PRKAR1B: variants seen among roughly 807,000 people sequenced by gnomAD.
The protein encoded by PRKAR1B is protein kinase cAMP-dependent type I regulatory subunit beta, also known as cAMP-dependent protein kinase type I-beta regulatory subunit.
A neutral mutation model predicts 46.5 loss-of-function variants in PRKAR1B; 22 were observed. That is an observed-to-expected ratio of 0.47 (90% CI 0.34 to 0.68). The LOEUF is 0.68. Among genes scored for constraint, PRKAR1B ranks in the 30% least tolerant of loss-of-function variants. The pLI is 0.01. For missense variants in PRKAR1B, 445 were observed against 535.6 expected (o/e 0.83, Z 1.67); for synonymous variants, 259 against 217.7 (o/e 1.19, Z -1.67).
At chr7:660,851 T>C (rs1469276792) in intron 4 of PRKAR1B, among the ~76,000 whole-genome samples, 2 of 100,992 alleles carry the variant, frequency 2.0e-5, no homozygotes, top group Admixed American at 1.2e-4. Flanking sequence ...CAGATCCAAA[T>C]ACCTACTCTG....
rs754417148 is a variant in PRKAR1B at position 618,850 on chromosome 7, G to A, written c.441-11398C>T. On this transcript the variant is annotated intron_variant, in intron 4 of 10. Coordinates refer to ENST00000537384, the MANE Select transcript of PRKAR1B (RefSeq NM_001164760.2). ...AGATATTGCAACTATCTTCTTACACGCAGTCACCTGTTAACTTTTTCATGA... is the reference window on the plus strand; with the variant it reads ...AGATATTGCAACTATCTTCTTACACACAGTCACCTGTTAACTTTTTCATGA... Among the ~76,000 whole-genome samples the A allele has an allele frequency of 3.9e-5, 6 of 152,174 alleles. No individual in the cohort carries two copies. The South Asian group carries it at 6.2e-4, about 16-fold the overall frequency.
intron 2 of PRKAR1B, among the ~76,000 whole-genome samples, chr7:710,623 T>C (rs1252425478): frequency 6.6e-6 from 1 of 150,510 alleles, no homozygotes; most frequent in Non-Finnish European, 1.5e-5. Flanking sequence ...ACCTTAGCCA[T>C]GGGAGCTATT....
chr7:599,205 C>T (rs945110395), intron 6 of PRKAR1B, among the ~76,000 whole-genome samples: 1 of 152,256 alleles, frequency 6.6e-6, no homozygotes, highest in East Asian at 1.9e-4. Flanking sequence ...TCTCAGGACA[C>T]TGGCCACTGT....
intron 4 of PRKAR1B, among the ~76,000 whole-genome samples, chr7:661,973 C>T (rs1435476207): frequency 4.3e-5 from 4 of 93,570 alleles, no homozygotes; most frequent in Non-Finnish European, 8.6e-5. Context: ...CCCACCCCAA[C>T]GGGTCCAAAT....
rs924713706 is a variant in PRKAR1B, at chr7:666,044, T to C, written c.440+11185A>G. 1.3e-5 allele frequency among the ~76,000 whole-genome samples: 2 copies of C among 152,140 alleles called. No homozygotes were observed. The highest frequency in any genetic ancestry group is 2.9e-5 in the Non-Finnish European group (2 of 68,012). ...TGTGCCCGTCTGGCAGCTCCAGTAA[T>C]GAGGTCCCCGCCGGAGGCCCAACGC... On this transcript the variant is annotated intron_variant, in intron 4 of 10. Coordinates refer to ENST00000537384, the MANE Select transcript of PRKAR1B (RefSeq NM_001164760.2). This position sits in a 1 kb window ranked among gnomAD's most constrained non-coding sequence, Gnocchi z 4.9.
At chr7:575,480 G>A (rs374413894) in intron 9 of PRKAR1B, among the ~76,000 whole-genome samples, 4 of 152,176 alleles carry the variant, frequency 2.6e-5, no homozygotes, top group East Asian at 3.8e-4. Flanking sequence ...TCAAGGGGAG[G>A]GGGTTAGACT....
At chr7:599,807 G>A (rs1168372771) in intron 6 of PRKAR1B, among the ~76,000 whole-genome samples, 6 of 148,234 alleles carry the variant, frequency 4.0e-5, no homozygotes, top group Non-Finnish European at 9.0e-5. Flanking sequence ...ACCTTCACTC[G>A]CTCACCCTCT....
chr7:661,494 T>C (rs13227140), intron 4 of PRKAR1B, among the ~76,000 whole-genome samples: 1 of 69,790 alleles, frequency 1.4e-5, no homozygotes, highest in Non-Finnish European at 2.7e-5. Context: ...GTCCAAATAC[T>C]TACTCTTCCC....
At chr7:692,696 C>G (rs114599090) in intron 2 of PRKAR1B, among the ~76,000 whole-genome samples, 5,071 of 152,174 alleles carry the variant, frequency 0.033, 309 homozygotes, top group African/African-American at 0.12. Flanking sequence ...TGCGCTCATA[C>G]CAGAGTAATT....
intron 2 of PRKAR1B, among the ~76,000 whole-genome samples, chr7:690,434 A>T (rs1779349379): frequency 6.6e-6 from 1 of 152,060 alleles, no homozygotes; most frequent in Non-Finnish European, 1.5e-5. Flanking sequence ...ACAAACCTGC[A>T]CACGTACCCC....
chr7:694,695 T>A (rs1412672630), intron 2 of PRKAR1B, among the ~76,000 whole-genome samples: 1 of 151,810 alleles, frequency 6.6e-6, no homozygotes, highest in Non-Finnish European at 1.5e-5. Context: ...CTTGCACGAG[T>A]TCGTTACTGC....
chr7:649,670 G>T (rs1784795070), intron 4 of PRKAR1B, among the ~76,000 whole-genome samples: 2 of 152,072 alleles, frequency 1.3e-5, no homozygotes, highest in Admixed American at 6.6e-5. Context: ...CCAACTCCCA[G>T]ACCCAAGCGA....
chr7:587,194 G>A (rs148599115), intron 7 of PRKAR1B, among the ~76,000 whole-genome samples: 1 of 152,264 alleles, frequency 6.6e-6, no homozygotes, highest in Non-Finnish European at 1.5e-5. Context: ...ACACTCAGAG[G>A]AGCCCCCCAA....
intron 2 of PRKAR1B, among the ~76,000 whole-genome samples, chr7:701,974 C>T (rs1020479547): frequency 2.0e-5 from 3 of 152,188 alleles, no homozygotes; most frequent in Admixed American, 2.0e-4. Context: ...ATCTTCTAGA[C>T]TATTTGCCCC....
At chr7:597,238 T>C (rs1781316995) in intron 6 of PRKAR1B, among the ~76,000 whole-genome samples, 1 of 152,232 alleles carries the variant, frequency 6.6e-6, no homozygotes, top group Admixed American at 6.5e-5. Flanking sequence ...TGGAATCAAT[T>C]CTTACTGAAA....
chr7:707,941 A>G (rs2128526460), intron 2 of PRKAR1B, among the ~76,000 whole-genome samples: 1 of 152,020 alleles, frequency 6.6e-6, no homozygotes, highest in African/African-American at 2.4e-5. Flanking sequence ...ACCTTCTCCC[A>G]CACGGACCCA....
chr7:596,155 G>GCGC lies in PRKAR1B; in HGVS notation c.696_698dup (p.Arg233dup). Reference sequence around the variant, plus strand: ...TTGGGCACCAACTCACCATAAGGATGCGCCGGTAGCTGTCCCGGTCGATCC... The same window carrying GCGC: ...TTGGGCACCAACTCACCATAAGGATGCGCCGCCGGTAGCTGTCCCGGTCGATCC... On this transcript the variant is annotated inframe_insertion, in exon 7 of 11. Coordinates refer to ENST00000537384, the MANE Select transcript of PRKAR1B (RefSeq NM_001164760.2). 6.2e-7 allele frequency: 1 copy of GCGC among 1,613,442 alleles called. No homozygotes were observed. The highest frequency in any genetic ancestry group is 8.5e-7 in the Non-Finnish European group (1 of 1,179,642).
intron 4 of PRKAR1B, among the ~76,000 whole-genome samples, chr7:632,307 G>A (rs1277531253): frequency 6.6e-6 from 1 of 152,164 alleles, no homozygotes; most frequent in Non-Finnish European, 1.5e-5. Flanking sequence ...CAAGGGGCGT[G>A]GAGACCACCC....
intron 2 of PRKAR1B, among the ~76,000 whole-genome samples, chr7:682,783 C>G (rs1001521700): frequency 1.3e-5 from 2 of 152,108 alleles, no homozygotes; most frequent in South Asian, 4.2e-4. Flanking sequence ...GAGATTTCAA[C>G]CTGTCCTAAC....
Sources: gnomAD v4.1 joint callset for allele counts (sites outside exome capture counted in the v4.1 genomes callset) on GRCh38, gnomAD v4.1.1 for gene constraint, Gnocchi (gnomAD v3.1) non-coding constraint, MANE v1.5 for transcripts, NCBI Gene and HGNC (gene_info 2026-07-23, HGNC 2026-07-21) for gene names.